The following GOLM1 variants were observed in gnomAD, a reference collection of about 807,000 sequenced individuals.
GOLM1 encodes epididymis luminal protein 46.
GOLM1 carries 31 observed loss-of-function variants against 50.5 expected under a neutral mutation model. That is an observed-to-expected ratio of 0.61 (90% CI 0.46 to 0.83). GOLM1 has a LOEUF of 0.83. Among genes scored for constraint, GOLM1 ranks in the 40% least tolerant of loss-of-function variants. The probability of loss-of-function intolerance (pLI) is 0.00; values close to 1 mark genes in which losing one functional copy is unlikely to be tolerated. For missense variants in GOLM1, 491 were observed against 501.3 expected, an observed-to-expected ratio of 0.98 and a Z score of 0.20; for synonymous variants, 178 against 192.8, an observed-to-expected ratio of 0.92 and a Z score of 0.64.
chr9:86,087,942 T>C (rs1295998925), intron 1 of GOLM1, among the ~76,000 whole-genome samples: 5 of 152,242 alleles, frequency 3.3e-5, no homozygotes, highest in African/African-American at 1.2e-4. Flanking sequence ...ATCAGGATGA[T>C]GCTGACCTCA....
intron 3 of GOLM1, among the ~76,000 whole-genome samples, chr9:86,070,333 G>T (rs1294681191): frequency 6.6e-6 from 1 of 152,028 alleles, no homozygotes; most frequent in Non-Finnish European, 1.5e-5. Flanking sequence ...CAGTACTTTG[G>T]GAGGCCAAGG....
intron 4 of GOLM1, among the ~76,000 whole-genome samples, chr9:86,047,442 G>A (rs975499748): frequency 6.6e-6 from 1 of 152,092 alleles, no homozygotes; most frequent in Non-Finnish European, 1.5e-5. Context: ...CACACAACAC[G>A]GACTCATCCC....
At chr9:86,028,169 C>T (rs1465762603) in intron 9 of GOLM1, among the ~76,000 whole-genome samples, 2 of 152,176 alleles carry the variant, frequency 1.3e-5, no homozygotes, top group Non-Finnish European at 2.9e-5. Flanking sequence ...AACAAGGACT[C>T]CTGTCTTCTT....
intron 6 of GOLM1, among the ~76,000 whole-genome samples, chr9:86,037,117 T>G (rs1284438119): frequency 1.3e-5 from 2 of 152,158 alleles, no homozygotes. Flanking sequence ...CAACACAAAT[T>G]AGAAAATGCT....
intron 3 of GOLM1, among the ~76,000 whole-genome samples, chr9:86,063,851 G>A (rs1318139202): frequency 1.3e-5 from 2 of 152,228 alleles, no homozygotes; most frequent in Non-Finnish European, 2.9e-5. Context: ...GACACCTGCA[G>A]GATTTGGTTC....
intron 3 of GOLM1, among the ~76,000 whole-genome samples, chr9:86,073,452 T>C (rs1834513124): frequency 6.6e-6 from 1 of 152,140 alleles, no homozygotes; most frequent in African/African-American, 2.4e-5. Flanking sequence ...AGCTGGGGTG[T>C]AAACAAAAGC....
rs771623365 is a variant in GOLM1, at chr9:86,027,777, C to T, written c.*40G>A. 5 of 1,599,488 alleles carry T rather than the reference C, an allele frequency of 3.1e-6. No homozygotes were observed. Among genetic ancestry groups the T allele is most frequent in the Non-Finnish European group, 4.3e-6 (5 of 1,173,696 alleles). ...TCCCTCATGAACATTTTATAGTCAT[C>T]TCTTCGGCCCTGTTGTGAAATATGT... On this transcript the variant is annotated 3_prime_UTR_variant, in exon 10 of 10. Transcript: ENST00000388712.
chr9:86,051,674 T>C lies in GOLM1; in HGVS notation c.364+863A>G, dbSNP rs552152777. 2.5e-4 allele frequency among the ~76,000 whole-genome samples: 38 copies of C among 152,244 alleles called. No homozygotes were observed. In the South Asian group the frequency reaches 7.7e-3, roughly 31 times the overall value. On this transcript the variant is annotated intron_variant, in intron 4 of 9. Transcript: ENST00000388712. ...AATATGCTCCCTGTGTTGACTCTGG[T>C]GGAGTTACTTGACATGTATGCTCTA...
chr9:86,062,168 G>A (rs555254900), intron 3 of GOLM1, among the ~76,000 whole-genome samples: 5 of 152,258 alleles, frequency 3.3e-5, no homozygotes, highest in African/African-American at 4.8e-5. Flanking sequence ...GCAGCTTGGC[G>A]GGTGTGGGAA....
rs370934795 is a variant in GOLM1 at position 86,035,401 on chromosome 9, C to T, written c.982G>A (p.Gly328Arg). ...PERDQLVIPDGQEEEQEAAGE... is the reference protein window; with the variant it reads ...PERDQLVIPDRQEEEQEAAGE... The stretch of plus-strand genomic sequence containing the variant: ...GCAGCTTCCTGCTCCTCCTCCTGTC[C>T]GTCGGGGATGACAAGCTGGTCTCGC... Residue 328 changes from glycine to arginine, a missense_variant, in exon 8 of 10, where the codon GGA becomes AGA. By Grantham distance (125) the Gly-to-Arg change is moderately radical (BLOSUM62 -2). Coordinates refer to ENST00000388712, the MANE Select transcript of GOLM1 (RefSeq NM_016548.4). The T allele has an allele frequency of 1.1e-5, 17 of 1,613,882 alleles. No individual in the cohort carries two copies. The highest frequency in any genetic ancestry group is 6.7e-5 in the African/African-American group (5 of 74,892).
chr9:86,060,091 G>A (rs1834113657), intron 3 of GOLM1, among the ~76,000 whole-genome samples: 2 of 152,006 alleles, frequency 1.3e-5, no homozygotes, highest in Non-Finnish European at 2.9e-5. Flanking sequence ...TTACCCTAAT[G>A]TATCCCAATT....
At position 86,035,527 on chromosome 9, in the gene GOLM1, C is replaced by G. The variant is rs887527038; in HGVS notation, c.856G>C (p.Gly286Arg). Residue 286 changes from glycine to arginine, a missense_variant, in exon 8 of 10, where the codon GGT becomes CGT. Coordinates refer to ENST00000388712, the MANE Select transcript of GOLM1 (RefSeq NM_016548.4). ...REQVVEDRPV[G>R]GRGFGGAGEL... ...CCGGCTCCCCCGAAGCCTCTTCCAC[C>G]TACAGGTCTGTCTTCCACCACCTGC... 4 of 1,612,440 alleles carry G rather than the reference C, an allele frequency of 2.5e-6. No homozygotes were observed. Among genetic ancestry groups the G allele is most frequent in the Non-Finnish European group, 3.4e-6 (4 of 1,180,016 alleles).
chr9:86,033,600 G>C (rs930215896), intron 8 of GOLM1, among the ~76,000 whole-genome samples: 1 of 152,190 alleles, frequency 6.6e-6, no homozygotes, highest in South Asian at 2.1e-4. Flanking sequence ...GGAATCTACA[G>C]ACAGCATGGC....
At chr9:86,041,094 T>C (rs73476977) in intron 5 of GOLM1, among the ~76,000 whole-genome samples, 6,391 of 152,232 alleles carry the variant, frequency 0.042, 424 homozygotes, top group African/African-American at 0.15. Flanking sequence ...TGAACTTTAC[T>C]GATTAGGCAG....
At chr9:86,038,470 A>G (rs1165478080) in intron 6 of GOLM1, among the ~76,000 whole-genome samples, 2 of 152,204 alleles carry the variant, frequency 1.3e-5, no homozygotes, top group Non-Finnish European at 2.9e-5. Flanking sequence ...AACTCCAGTA[A>G]GCTCTAGACT....
chr9:86,076,168 C>T (rs943710211), intron 3 of GOLM1, among the ~76,000 whole-genome samples: 8 of 151,094 alleles, frequency 5.3e-5, no homozygotes, highest in African/African-American at 1.9e-4. Flanking sequence ...CCTGTAATCT[C>T]AGCACTTTGG....
intron 5 of GOLM1, among the ~76,000 whole-genome samples, chr9:86,044,703 G>GC (rs1564344065): frequency 6.6e-6 from 1 of 152,176 alleles, no homozygotes; most frequent in African/African-American, 2.4e-5. Flanking sequence ...TGTAATCCCA[G>GC]CACTTTGAGA....
intron 1 of GOLM1, among the ~76,000 whole-genome samples, chr9:86,096,685 CTTAAAA>C (rs1243794291): frequency 6.6e-6 from 1 of 152,138 alleles, no homozygotes; most frequent in Non-Finnish European, 1.5e-5. Flanking sequence ...GCCCAAAATA[CTTAAAA>C]TTAAGAGAAA....
chr9:86,069,542 G>A (rs1834392092), intron 3 of GOLM1, among the ~76,000 whole-genome samples: 1 of 152,180 alleles, frequency 6.6e-6, no homozygotes, highest in African/African-American at 2.4e-5. Flanking sequence ...CAGTCTGCAG[G>A]ATTTGGTTCA....
Sources: allele counts gnomAD v4.1 joint callset (sites outside exome capture counted in the v4.1 genomes callset), GRCh38; gene constraint gnomAD v4.1.1; transcripts MANE v1.5; gene names NCBI Gene and HGNC (gene_info 2026-07-23, HGNC 2026-07-21).